PTPRD: variants seen among roughly 807,000 people sequenced by gnomAD.
The protein encoded by PTPRD is receptor-type tyrosine-protein phosphatase delta.
In PTPRD, 34 loss-of-function variants were observed where a neutral mutation model predicts 214.5. That is an observed-to-expected ratio of 0.16 (90% CI 0.12 to 0.21). PTPRD has a LOEUF of 0.21. PTPRD is among the 10% of genes least tolerant of loss of function. The probability of loss-of-function intolerance (pLI) is 1.00; values close to 1 mark genes in which losing one functional copy is unlikely to be tolerated. For synonymous variants in PTPRD, 1,128 were observed against 845.7 expected, an observed-to-expected ratio of 1.33 and a Z score of -5.79; for missense variants, 2,545 against 2,398.7, an observed-to-expected ratio of 1.06 and a Z score of -1.27.
At chr9:9,457,901 TC>T (rs887642566) in intron 8 of PTPRD, among the ~76,000 whole-genome samples, 1 of 152,052 alleles carries the variant, frequency 6.6e-6, no homozygotes, top group Non-Finnish European at 1.5e-5. Flanking sequence ...CCTACTACCA[TC>T]ATTGGTGGTG....
chr9:10,516,938 C>G (rs1019652075), intron 2 of PTPRD, among the ~76,000 whole-genome samples: 3 of 151,684 alleles, frequency 2.0e-5, no homozygotes, highest in Non-Finnish European at 3.0e-5. Context: ...CTATATGTGT[C>G]TTTATGTTTG....
Position 8,317,545 on chromosome 9 carries a change from C to G in PTPRD, c.*329G>C, listed in dbSNP as rs939843036. ...GCATTCTGGCAATTTCTCCTTGCAC[C>G]TTTCAAGCAATCCTGAATAAGATGG... On this transcript the variant is annotated 3_prime_UTR_variant, in exon 46 of 46. Transcript: ENST00000381196. The G allele has an allele frequency of 6.8e-6, 2 of 293,156 alleles. No homozygotes were observed. Among genetic ancestry groups the G allele is most frequent in the African/African-American group, 4.2e-5 (2 of 47,738 alleles). 18.2% of individuals were successfully genotyped at this position (293,156 alleles called of 1,614,324 possible). A position where few individuals can be genotyped will look rare whatever the true frequency, so the allele number is the denominator to read the frequency against.
chr9:9,586,993 G>A (rs989176542), intron 7 of PTPRD, among the ~76,000 whole-genome samples: 15 of 152,050 alleles, frequency 9.9e-5, no homozygotes, highest in Middle Eastern at 3.4e-3. Flanking sequence ...CTCCTGTGAT[G>A]TTGAATTAAG....
intron 12 of PTPRD, among the ~76,000 whole-genome samples, chr9:8,733,025 C>T (rs979000079): frequency 1.3e-5 from 2 of 152,144 alleles, no homozygotes; most frequent in African/African-American, 4.8e-5. Flanking sequence ...TGCCTTTCTC[C>T]AATACTATCT....
intron 9 of PTPRD, among the ~76,000 whole-genome samples, chr9:9,378,493 G>A (rs1309173993): frequency 6.6e-6 from 1 of 152,032 alleles, no homozygotes; most frequent in Non-Finnish European, 1.5e-5. Flanking sequence ...TCTGTGTGCA[G>A]GTTTTCTTTG....
At chr9:10,554,255 C>T (rs2056789235) in intron 2 of PTPRD, among the ~76,000 whole-genome samples, 1 of 152,070 alleles carries the variant, frequency 6.6e-6, no homozygotes, top group Admixed American at 6.6e-5. Context: ...TACTTTTTCC[C>T]CAATGGATTT....
At chr9:9,780,971 C>T (rs961247432) in intron 5 of PTPRD, among the ~76,000 whole-genome samples, 7 of 152,284 alleles carry the variant, frequency 4.6e-5, no homozygotes, top group Middle Eastern at 3.4e-3. Flanking sequence ...GTATGACTTT[C>T]TGTAATAAGC....
chr9:9,132,534 G>C (rs1445917934), intron 10 of PTPRD, among the ~76,000 whole-genome samples: 1 of 151,920 alleles, frequency 6.6e-6, no homozygotes, highest in Non-Finnish European at 1.5e-5. Context: ...CAATGGAGCT[G>C]GAAAAAAGTA....
Position 8,557,455 on chromosome 9 carries a change from T to TATATATATAC in PTPRD, c.353-28677_353-28676insGTATATATAT. Among the ~76,000 whole-genome samples the TATATATATAC allele has an allele frequency of 1.1e-3, 150 of 135,624 alleles. 11 individuals are homozygous for TATATATATAC. The highest frequency in any genetic ancestry group is 4.8e-3 in the African/African-American group (139 of 28,790). 89.0% of individuals were successfully genotyped at this position (135,624 alleles called of 152,430 possible). ...AAATACATATATATATATATATATA[T>TATATATATAC]ATTTGGGCCGGGCGCGGTGGCTCAT... On this transcript the variant is annotated intron_variant, in intron 14 of 45. Transcript: ENST00000381196.
chr9:10,141,129 C>A (rs1405662898), intron 3 of PTPRD, among the ~76,000 whole-genome samples: 3 of 152,014 alleles, frequency 2.0e-5, no homozygotes, highest in South Asian at 4.1e-4. Context: ...TATGACAAAC[C>A]CACAGCCAAT....
At chr9:10,538,531 T>C (rs1374884289) in intron 2 of PTPRD, among the ~76,000 whole-genome samples, 1 of 152,118 alleles carries the variant, frequency 6.6e-6, no homozygotes, top group Non-Finnish European at 1.5e-5. Flanking sequence ...TTATACAATT[T>C]CTTTATGATG....
intron 8 of PTPRD, among the ~76,000 whole-genome samples, chr9:9,403,421 T>TTCTCTCTC (rs150192743): frequency 0.85 from 127,051 of 149,632 alleles, 53,936 homozygotes; most frequent in Middle Eastern, 0.88. Flanking sequence ...CTCTCTCTCT[T>TTCTCTCTC]TCTCTCTCTC....
intron 12 of PTPRD, among the ~76,000 whole-genome samples, chr9:8,662,204 A>G (rs1017945833): frequency 1.3e-5 from 2 of 152,226 alleles, no homozygotes; most frequent in Non-Finnish European, 2.9e-5. Flanking sequence ...TTAATTACAT[A>G]AATGTATATG....
chr9:8,459,459 T>TGGA (rs2096316999), intron 33 of PTPRD, among the ~76,000 whole-genome samples: 1 of 152,078 alleles, frequency 6.6e-6, no homozygotes, highest in Non-Finnish European at 1.5e-5. Context: ...GAAGTAATTT[T>TGGA]GAATTTAGTC....
chr9:9,819,508 CTT>C (rs35205257), intron 5 of PTPRD, among the ~76,000 whole-genome samples: 1 of 152,028 alleles, frequency 6.6e-6, no homozygotes, highest in Admixed American at 6.6e-5. Flanking sequence ...ATTGAAATAA[CTT>C]TTTTCAGCTT....
At chr9:10,460,631 G>C in intron 2 of PTPRD, among the ~76,000 whole-genome samples, 1 of 152,078 alleles carries the variant, frequency 6.6e-6, no homozygotes, top group East Asian at 1.9e-4. Context: ...AAAGGACAAT[G>C]TCTTCAATAA....
intron 10 of PTPRD, among the ~76,000 whole-genome samples, chr9:9,127,665 C>T (rs373767332): frequency 7.2e-5 from 11 of 152,210 alleles, no homozygotes; most frequent in African/African-American, 2.6e-4. Flanking sequence ...AGGGAATGAG[C>T]TTTCATATTT....
intron 14 of PTPRD, among the ~76,000 whole-genome samples, chr9:8,556,180 T>C (rs7038093): frequency 0.14 from 20,680 of 152,218 alleles, 4,293 homozygotes; most frequent in African/African-American, 0.45. Flanking sequence ...CAAAGGTCTC[T>C]TCAATGAAAT....
intron 9 of PTPRD, among the ~76,000 whole-genome samples, chr9:9,335,864 A>G (rs981996989): frequency 6.6e-6 from 1 of 152,112 alleles, no homozygotes; most frequent in Non-Finnish European, 1.5e-5. Flanking sequence ...ACAACTCAGC[A>G]TCTAATGAAA....
Sources: gnomAD v4.1 joint callset for allele counts (sites outside exome capture counted in the v4.1 genomes callset) on GRCh38, gnomAD v4.1.1 for gene constraint, MANE v1.5 for transcripts, NCBI Gene and HGNC (gene_info 2026-07-23, HGNC 2026-07-21) for gene names.